GULP1: variants seen among roughly 807,000 people sequenced by gnomAD.
The protein encoded by GULP1 is PTB domain-containing engulfment adapter protein 1.
A neutral mutation model predicts 40.9 loss-of-function variants in GULP1; 19 were observed. That is an observed-to-expected ratio of 0.46 (90% CI 0.32 to 0.68). The LOEUF (loss-of-function observed/expected upper bound fraction) is 0.68, where lower values mean the gene tolerates loss of function less well. GULP1 is among the 30% of genes least tolerant of loss of function. The pLI, the probability that GULP1 is intolerant of heterozygous loss-of-function variation, is 0.03. For missense variants in GULP1, 312 were observed against 362.2 expected (o/e 0.86, Z 1.12); for synonymous variants, 119 against 117.6 (o/e 1.01, Z -0.08).
At chr2:188,519,581 C>A (rs1232299500) in intron 4 of GULP1, among the ~76,000 whole-genome samples, 1 of 152,122 alleles carries the variant, frequency 6.6e-6, no homozygotes, top group Non-Finnish European at 1.5e-5. Context: ...AACTGTTTAC[C>A]CCAGGGATGT....
At chr2:188,336,183 C>A (rs1018699670) in intron 1 of GULP1, among the ~76,000 whole-genome samples, 1 of 152,096 alleles carries the variant, frequency 6.6e-6, no homozygotes, top group African/African-American at 2.4e-5. Flanking sequence ...TAGTCAATGT[C>A]CTTTCTGCTC....
chr2:188,365,224 G>A (rs2046627160), intron 1 of GULP1, among the ~76,000 whole-genome samples: 1 of 151,358 alleles, frequency 6.6e-6, no homozygotes, highest in Non-Finnish European at 1.5e-5. Flanking sequence ...CAGTACACAT[G>A]GTCCTATACT....
chr2:188,527,098 T>G (rs1686364423), intron 5 of GULP1, among the ~76,000 whole-genome samples: 1 of 152,192 alleles, frequency 6.6e-6, no homozygotes, highest in Non-Finnish European at 1.5e-5. Context: ...CTCCACTTTG[T>G]TTTTCTACCT....
At position 188,361,335 on chromosome 2, in the gene GULP1, A is replaced by G. The variant is rs116430616; in HGVS notation, c.-171-22428A>G. 3.2e-3 allele frequency among the ~76,000 whole-genome samples: 483 copies of G among 152,124 alleles called. 7 individuals are homozygous for G. The highest frequency in any genetic ancestry group is 0.011 in the African/African-American group (472 of 41,504). On this transcript the variant is annotated intron_variant, in intron 1 of 11. Transcript: ENST00000409830. The stretch of plus-strand genomic sequence containing the variant: ...TAGGAAAAGAAATCCTAAGGCAGGA[A>G]TGACTCTGGCTTGTTTGAGGCACAG...
rs1223787120 is a variant in GULP1 at position 188,323,745 on chromosome 2, A to AT, written c.-172+31589dup. Among the ~76,000 whole-genome samples, 26 of 143,056 alleles carry AT rather than the reference A, an allele frequency of 1.8e-4. 1 individual carries two copies. The highest frequency in any genetic ancestry group is 2.3e-4 in the African/African-American group (9 of 38,774). The allele number at this position is 143,056 out of a possible 152,430, so 93.9% of individuals were successfully genotyped here. A position where few individuals can be genotyped will look rare whatever the true frequency, so the allele number is the denominator to read the frequency against. On this transcript the variant is annotated intron_variant, in intron 1 of 11. Coordinates refer to ENST00000409830, the MANE Select transcript of GULP1 (RefSeq NM_016315.4). ...TTGCTTTTACTATCACTGTTTTCCT[A>AT]TTTTTTTTTTCAGTTTTGTATGTGC...
intron 2 of GULP1, among the ~76,000 whole-genome samples, chr2:188,450,641 T>C (rs2058764067): frequency 1.3e-5 from 2 of 152,294 alleles, no homozygotes; most frequent in Middle Eastern, 6.8e-3. Flanking sequence ...TATCACTTTC[T>C]TTGACTCTCT....
At chr2:188,523,795 A>T (rs1311333098) in intron 5 of GULP1, among the ~76,000 whole-genome samples, 1 of 152,164 alleles carries the variant, frequency 6.6e-6, no homozygotes, top group Non-Finnish European at 1.5e-5. Flanking sequence ...AATTGGCATG[A>T]CTTCTATTCT....
At chr2:188,349,236 A>G (rs923373900) in intron 1 of GULP1, among the ~76,000 whole-genome samples, 6 of 152,154 alleles carry the variant, frequency 3.9e-5, no homozygotes, top group African/African-American at 1.4e-4. Flanking sequence ...TTTTTTATGG[A>G]CACAGTTTCT....
At chr2:188,295,376 C>T (rs918511810) in intron 1 of GULP1, among the ~76,000 whole-genome samples, 3 of 152,104 alleles carry the variant, frequency 2.0e-5, no homozygotes, top group African/African-American at 4.8e-5. Context: ...CAATCAGCAC[C>T]GAACTTCTCA....
chr2:188,516,674 G>A (rs1000755089), intron 4 of GULP1, among the ~76,000 whole-genome samples: 1 of 152,086 alleles, frequency 6.6e-6, no homozygotes, highest in African/African-American at 2.4e-5. Flanking sequence ...TATTAAATCT[G>A]ATTGCTGGGC....
chr2:188,361,808 G>A (rs2152378910), intron 1 of GULP1, among the ~76,000 whole-genome samples: 1 of 152,168 alleles, frequency 6.6e-6, no homozygotes, highest in East Asian at 1.9e-4. Context: ...TGTTCTAATG[G>A]AGAGGAAGAA....
At chr2:188,446,854 T>A (rs1181027771) in intron 2 of GULP1, among the ~76,000 whole-genome samples, 1 of 151,952 alleles carries the variant, frequency 6.6e-6, no homozygotes, top group Admixed American at 6.6e-5. Context: ...TCACTTTCAT[T>A]GAGTGATATT....
At chr2:188,538,426 T>C (rs1689509904) in intron 6 of GULP1, among the ~76,000 whole-genome samples, 1 of 152,068 alleles carries the variant, frequency 6.6e-6, no homozygotes, top group South Asian at 2.1e-4. Context: ...CTACCAAACC[T>C]GGGGAGCAAT....
chr2:188,355,573 T>C (rs1466957095), intron 1 of GULP1, among the ~76,000 whole-genome samples: 1 of 152,038 alleles, frequency 6.6e-6, no homozygotes, highest in African/African-American at 2.4e-5. Flanking sequence ...CCAGATGGCT[T>C]TACTGCTGAA....
chr2:188,297,177 A>G (rs983055706), intron 1 of GULP1, among the ~76,000 whole-genome samples: 2 of 151,648 alleles, frequency 1.3e-5, no homozygotes, highest in East Asian at 1.9e-4. Context: ...TCCAAATTCT[A>G]AAAGTGTTTT....
At chr2:188,375,509 A>C (rs1169345006) in intron 1 of GULP1, among the ~76,000 whole-genome samples, 1 of 152,242 alleles carries the variant, frequency 6.6e-6, no homozygotes, top group Non-Finnish European at 1.5e-5. Context: ...GATTTCCTTC[A>C]TTCCAGCAGC....
chr2:188,328,509 C>CA (rs1294142678), intron 1 of GULP1, among the ~76,000 whole-genome samples: 1 of 152,126 alleles, frequency 6.6e-6, no homozygotes, highest in Admixed American at 6.6e-5. Context: ...CTAGAATCAG[C>CA]AAAAATATAT....
intron 2 of GULP1, among the ~76,000 whole-genome samples, chr2:188,464,847 G>C (rs1214254538): frequency 6.6e-6 from 1 of 152,260 alleles, no homozygotes; most frequent in African/African-American, 2.4e-5. Context: ...AAGGCCTAAT[G>C]GCTATTTAAT....
At chr2:188,572,158 C>CCTTG (rs1426971879) in intron 9 of GULP1, among the ~76,000 whole-genome samples, 1 of 152,072 alleles carries the variant, frequency 6.6e-6, no homozygotes, top group African/African-American at 2.4e-5. Context: ...ACAAGATGAC[C>CCTTG]CTTGCTTCAG....
Sources: gnomAD v4.1 joint callset for allele counts (sites outside exome capture counted in the v4.1 genomes callset) on GRCh38, gnomAD v4.1.1 for gene constraint, MANE v1.5 for transcripts, NCBI Gene and HGNC (gene_info 2026-07-23, HGNC 2026-07-21) for gene names.